The following PHACTR1 variants were observed in gnomAD, a reference collection of about 807,000 sequenced individuals.
The protein encoded by PHACTR1 is phosphatase and actin regulator 1.
PHACTR1 carries 16 observed loss-of-function variants against 69.2 expected under a neutral mutation model. That is an observed-to-expected ratio of 0.23 (90% CI 0.16 to 0.35). PHACTR1 has a LOEUF of 0.35. Ranked by LOEUF, PHACTR1 falls within the 10% of genes least tolerant of loss-of-function variation. The probability of loss-of-function intolerance (pLI) is 1.00; values close to 1 mark genes in which losing one functional copy is unlikely to be tolerated. For synonymous variants in PHACTR1, 312 were observed against 284.5 expected, an observed-to-expected ratio of 1.10 and a Z score of -0.97; for missense variants, 510 against 734.7, an observed-to-expected ratio of 0.69 and a Z score of 3.54.
Position 12,747,491 on chromosome 6 carries a change from G to A in PHACTR1, c.104-2153G>A, listed in dbSNP as rs545173060. Reference sequence around the variant, plus strand: ...TCAGCCTGGACAACATACTGAGACCGCATCTCTACAAAAAAGAAAAAAAAA... The same window carrying A: ...TCAGCCTGGACAACATACTGAGACCACATCTCTACAAAAAAGAAAAAAAAA... On this transcript the variant is annotated intron_variant, in intron 3 of 14. Transcript: ENST00000332995. Among the ~76,000 whole-genome samples, 21 of 151,712 alleles carry A rather than the reference G, an allele frequency of 1.4e-4. 1 individual carries two copies. Among genetic ancestry groups the A allele is most frequent in the Middle Eastern group, 3.4e-3 (1 of 294 alleles).
intron 6 of PHACTR1, among the ~76,000 whole-genome samples, chr6:13,173,771 C>T (rs1258784706): frequency 2.0e-5 from 3 of 152,198 alleles, no homozygotes; most frequent in Admixed American, 6.5e-5. Context: ...TGCAATGGCG[C>T]AATCTCGGCT....
At chr6:13,253,003 GA>G (rs1774698005) in intron 10 of PHACTR1, 1 of 453,802 alleles carries the variant, frequency 2.2e-6, no homozygotes, top group Non-Finnish European at 4.4e-6. Flanking sequence ...ATTGTTTCCA[GA>G]AACAAGTTCA....
chr6:13,183,922 T>C (rs1223389189), intron 7 of PHACTR1, among the ~76,000 whole-genome samples: 9 of 152,132 alleles, frequency 5.9e-5, no homozygotes, highest in Non-Finnish European at 1.3e-4. Context: ...CAACTCTTCA[T>C]GAAAGCCAGT....
At chr6:13,200,585 G>A (rs536906579) in intron 7 of PHACTR1, among the ~76,000 whole-genome samples, 1 of 152,270 alleles carries the variant, frequency 6.6e-6, no homozygotes, top group Admixed American at 6.5e-5. Flanking sequence ...GTGCCCTTTT[G>A]TTCAGAGAAA....
chr6:12,982,538 G>A (rs1795647638), intron 4 of PHACTR1, among the ~76,000 whole-genome samples: 1 of 152,144 alleles, frequency 6.6e-6, no homozygotes, highest in Non-Finnish European at 1.5e-5. Context: ...AATTAGCCAG[G>A]TGTGGTGGCA....
At chr6:13,190,534 A>G (rs901386341) in intron 7 of PHACTR1, among the ~76,000 whole-genome samples, 13 of 152,074 alleles carry the variant, frequency 8.5e-5, no homozygotes, top group Non-Finnish European at 1.3e-4. Flanking sequence ...TTCTTCAAAA[A>G]TTAGTCATAT....
chr6:12,845,329 A>ACT (rs1561938514), intron 4 of PHACTR1, among the ~76,000 whole-genome samples: 1 of 143,172 alleles, frequency 7.0e-6, no homozygotes, highest in East Asian at 2.1e-4. Context: ...ATCCTTCCCC[A>ACT]CTCTCTCCTT....
intron 4 of PHACTR1, among the ~76,000 whole-genome samples, chr6:12,844,142 C>G (rs1415483587): frequency 6.6e-6 from 1 of 152,128 alleles, no homozygotes; most frequent in African/African-American, 2.4e-5. Flanking sequence ...TACCTATAAT[C>G]CCAGCACATT....
intron 4 of PHACTR1, among the ~76,000 whole-genome samples, chr6:12,828,960 G>A (rs1777109259): frequency 6.6e-6 from 1 of 152,044 alleles, no homozygotes; most frequent in African/African-American, 2.4e-5. Flanking sequence ...CTAGAAGAGA[G>A]GATTTTGAAA....
At chr6:13,242,901 G>A (rs2127378242) in intron 10 of PHACTR1, among the ~76,000 whole-genome samples, 1 of 152,346 alleles carries the variant, frequency 6.6e-6, no homozygotes, top group African/African-American at 2.4e-5. Flanking sequence ...GCTCTGTAAT[G>A]GGTGTTATTT....
intron 5 of PHACTR1, among the ~76,000 whole-genome samples, chr6:13,112,110 T>G (rs1282390323): frequency 2.6e-5 from 4 of 152,190 alleles, no homozygotes; most frequent in Admixed American, 2.6e-4. Flanking sequence ...CTCCCACTTA[T>G]AAGTGAGAAC....
chr6:13,213,791 G>A (rs746981453), intron 8 of PHACTR1, among the ~76,000 whole-genome samples: 91 of 152,140 alleles, frequency 6.0e-4, no homozygotes, highest in Non-Finnish European at 1.1e-3. Context: ...ACCTGCCAGC[G>A]CCTTGATCTT....
At chr6:13,124,903 A>G (rs1023957592) in intron 5 of PHACTR1, among the ~76,000 whole-genome samples, 1 of 152,236 alleles carries the variant, frequency 6.6e-6, no homozygotes, top group Admixed American at 6.5e-5. Flanking sequence ...GATCTTAAAT[A>G]TAGGAATTTG....
intron 4 of PHACTR1, among the ~76,000 whole-genome samples, chr6:12,768,181 C>G (rs1348120477): frequency 2.3e-5 from 3 of 132,854 alleles, no homozygotes; most frequent in African/African-American, 8.5e-5. Flanking sequence ...GTGGCGCGAT[C>G]TCGGCTCACT....
intron 4 of PHACTR1, among the ~76,000 whole-genome samples, chr6:12,996,420 A>G (rs150050900): frequency 2.0e-5 from 3 of 152,216 alleles, no homozygotes; most frequent in Non-Finnish European, 4.4e-5. Context: ...TGAAGGAAAT[A>G]TTATGATCAA....
At chr6:12,903,297 A>G (rs950252235) in intron 4 of PHACTR1, among the ~76,000 whole-genome samples, 8 of 152,220 alleles carry the variant, frequency 5.3e-5, no homozygotes, top group African/African-American at 1.9e-4. Context: ...AAGGGTGGAT[A>G]TTATTAAAGG....
At chr6:12,746,344 G>A (rs1346911674) in intron 3 of PHACTR1, among the ~76,000 whole-genome samples, 3 of 152,118 alleles carry the variant, frequency 2.0e-5, no homozygotes, top group Admixed American at 1.3e-4. Flanking sequence ...GACCAGCTAC[G>A]TCAACATAGC....
intron 4 of PHACTR1, among the ~76,000 whole-genome samples, chr6:12,990,639 G>T (rs2127605539): frequency 6.6e-6 from 1 of 152,320 alleles, no homozygotes; most frequent in East Asian, 1.9e-4. Context: ...TCTATGGATG[G>T]CTAAGTGTTG....
intron 7 of PHACTR1, chr6:13,184,884 C>A (rs1762637865): frequency 7.3e-7 from 1 of 1,366,594 alleles, no homozygotes; most frequent in Middle Eastern, 2.1e-4. Context: ...TACTGCCCCC[C>A]AAAAAACCTG....
Sources: allele counts gnomAD v4.1 joint callset (sites outside exome capture counted in the v4.1 genomes callset), GRCh38; gene constraint gnomAD v4.1.1; transcripts MANE v1.5; gene names NCBI Gene and HGNC (gene_info 2026-07-23, HGNC 2026-07-21).